Variants in STK24 observed in about 807,000 individuals in gnomAD.
STK24 encodes serine/threonine kinase 24, also known as serine/threonine-protein kinase 24.
STK24 carries 21 observed loss-of-function variants against 55.6 expected under a neutral mutation model. The observed-to-expected ratio is 0.38, with a 90% CI of 0.27 to 0.54. STK24 has a LOEUF of 0.54. STK24 is among the 20% of genes least tolerant of loss of function. The pLI, the probability that STK24 is intolerant of heterozygous loss-of-function variation, is 0.79. For missense variants in STK24, 383 were observed against 538.4 expected, an observed-to-expected ratio of 0.71 and a Z score of 2.86; for synonymous variants, 200 against 215.2, an observed-to-expected ratio of 0.93 and a Z score of 0.62.
intron 1 of STK24, among the ~76,000 whole-genome samples, chr13:98,551,285 C>CA (rs35925473): frequency 0.14 from 17,235 of 119,574 alleles, 1,151 homozygotes; most frequent in African/African-American, 0.19. Flanking sequence ...GACTCTGTCT[C>CA]AAAAAAAAAA....
At chr13:98,507,581 A>G (rs1301565248) in intron 2 of STK24, among the ~76,000 whole-genome samples, 3 of 152,250 alleles carry the variant, frequency 2.0e-5, no homozygotes, top group Non-Finnish European at 4.4e-5. Context: ...CTGACTTTAC[A>G]CAAGGAATAC....
chr13:98,527,739 C>A (rs1896473527), intron 1 of STK24, among the ~76,000 whole-genome samples: 1 of 152,208 alleles, frequency 6.6e-6, no homozygotes, highest in South Asian at 2.1e-4. Flanking sequence ...AGGTGGGGGG[C>A]CCAGCACTGC....
intron 2 of STK24, among the ~76,000 whole-genome samples, chr13:98,487,765 C>A (rs1894861628): frequency 6.6e-6 from 1 of 152,076 alleles, no homozygotes; most frequent in Admixed American, 6.5e-5. Flanking sequence ...TTCGCTCTGA[C>A]GGCCCAGGTG....
intron 1 of STK24, among the ~76,000 whole-genome samples, chr13:98,534,879 A>C (rs1221731941): frequency 6.6e-6 from 1 of 152,186 alleles, no homozygotes; most frequent in Non-Finnish European, 1.5e-5. Context: ...GTAACAATAA[A>C]ACTCTGGTCT....
rs1893050370 is a variant in STK24, at chr13:98,449,037, A to T, written c.*4136T>A. The T allele has an allele frequency of 6.6e-6, 1 of 152,252 alleles. No homozygotes were observed. Among genetic ancestry groups the T allele is most frequent in the Non-Finnish European group, 1.5e-5 (1 of 68,068 alleles). The allele number at this position is 152,252 out of a possible 1,614,324, so 9.4% of individuals were successfully genotyped here. ...GTTAAGCAAAGCCGAGATCCAGTGC[A>T]ATACCTGGACTGTCACCGTCCTGTG... is the stretch of plus-strand genomic sequence containing the variant. On this transcript the variant is annotated 3_prime_UTR_variant, in exon 11 of 11. Coordinates refer to ENST00000539966, the MANE Select transcript of STK24 (RefSeq NM_001032296.4).
At position 98,457,150 on chromosome 13, in the gene STK24, G is replaced by A. The variant is rs777083959; in HGVS notation, c.1259+18C>T. The A allele has an allele frequency of 1.2e-6, 2 of 1,606,010 alleles. No homozygotes were observed. The highest frequency in any genetic ancestry group is 2.2e-4 in the Middle Eastern group (1 of 4,508). ...CAGGTCTCTCCTTCCCCAGCCCAGA[G>A]GGGCCCTGGGTAGTTACCTCTGGAG... On this transcript the variant is annotated intron_variant, in intron 10 of 10. Coordinates refer to ENST00000539966, the MANE Select transcript of STK24 (RefSeq NM_001032296.4).
At chr13:98,453,349 A>C in intron 10 of STK24, 140 bp from the exon 11 acceptor site, 1 of 826,856 alleles carries the variant, frequency 1.2e-6, no homozygotes. Flanking sequence ...TCAATGTGTA[A>C]GTCTAATTTT....
chr13:98,492,138 C>G (rs1895067763), intron 2 of STK24, among the ~76,000 whole-genome samples: 1 of 151,556 alleles, frequency 6.6e-6, no homozygotes, highest in African/African-American at 2.4e-5. Context: ...GCAAGAGGCT[C>G]AAATGGTTTT....
intron 5 of STK24, 97 bp from the exon 6 acceptor site, chr13:98,466,658 A>G: frequency 1.5e-6 from 2 of 1,351,692 alleles, no homozygotes; most frequent in Admixed American, 2.5e-5. Context: ...AATACTTCTG[A>G]GGTTTTGAAA....
intron 1 of STK24, among the ~76,000 whole-genome samples, chr13:98,565,889 T>G (rs576670270): frequency 6.6e-6 from 1 of 152,300 alleles, no homozygotes; most frequent in South Asian, 2.1e-4. Flanking sequence ...CAGTTAAAAA[T>G]AATCCAGGAA....
intron 2 of STK24, among the ~76,000 whole-genome samples, chr13:98,495,737 A>C (rs550369342): frequency 6.6e-5 from 10 of 152,376 alleles, no homozygotes; most frequent in Non-Finnish European, 1.5e-4. Context: ...TATCTTCGGC[A>C]CTAAGCCTAC....
chr13:98,460,815 G>A (rs893831003), intron 8 of STK24, among the ~76,000 whole-genome samples: 3 of 151,982 alleles, frequency 2.0e-5, no homozygotes, highest in African/African-American at 7.3e-5. Flanking sequence ...CGAAGCAGGA[G>A]GATCACTTGA....
chr13:98,459,893 G>A (rs1290051181), intron 9 of STK24, among the ~76,000 whole-genome samples: 1 of 152,196 alleles, frequency 6.6e-6, no homozygotes, highest in Non-Finnish European at 1.5e-5. Context: ...GGGAGGGAGA[G>A]GCTGAGCAGG....
At chr13:98,504,541 G>GA (rs1399527583) in intron 2 of STK24, among the ~76,000 whole-genome samples, 1 of 152,230 alleles carries the variant, frequency 6.6e-6, no homozygotes, top group Non-Finnish European at 1.5e-5. Flanking sequence ...TGCAAGAAGG[G>GA]AAATAGACTC....
At chr13:98,474,445 C>T (rs976968419) in intron 5 of STK24, among the ~76,000 whole-genome samples, 9 of 152,128 alleles carry the variant, frequency 5.9e-5, no homozygotes, top group African/African-American at 2.2e-4. Flanking sequence ...ACTTGCACTT[C>T]GACCCCCAGC....
intron 5 of STK24, among the ~76,000 whole-genome samples, chr13:98,470,724 T>C (rs1894112534): frequency 6.6e-6 from 1 of 152,248 alleles, no homozygotes; most frequent in Admixed American, 6.5e-5. Context: ...TGTGGGGATC[T>C]ATGCAACAGC....
At chr13:98,555,806 G>T (rs571427266) in intron 1 of STK24, among the ~76,000 whole-genome samples, 27 of 147,052 alleles carry the variant, frequency 1.8e-4, no homozygotes. Flanking sequence ...TCAGCCTCCC[G>T]AGTAGCTGGG....
chr13:98,466,357 T>C lies in STK24; in HGVS notation c.783+19A>G. ...AAGCCGCACATGAAGAGGTACGCTG[T>C]GATCCCTGGGAAACTTACAAAGCTC... On this transcript the variant is annotated intron_variant, in intron 6 of 10. Transcript: ENST00000539966. 6.2e-7 allele frequency: 1 copy of C among 1,611,234 alleles called. No homozygotes were observed. The highest frequency in any genetic ancestry group is 1.3e-5 in the African/African-American group (1 of 74,920).
At chr13:98,541,044 G>A (rs1896875500) in intron 1 of STK24, among the ~76,000 whole-genome samples, 1 of 152,112 alleles carries the variant, frequency 6.6e-6, no homozygotes, top group Non-Finnish European at 1.5e-5. Flanking sequence ...GCACCTGGAC[G>A]CATTTAGATT....
Sources: allele counts gnomAD v4.1 joint callset (sites outside exome capture counted in the v4.1 genomes callset), GRCh38; gene constraint gnomAD v4.1.1; transcripts MANE v1.5; gene names NCBI Gene and HGNC (gene_info 2026-07-23, HGNC 2026-07-21).